RALGPS1: variants seen among roughly 807,000 people sequenced by gnomAD.
The protein encoded by RALGPS1 is ras-specific guanine nucleotide-releasing factor RalGPS1.
RALGPS1 carries 19 observed loss-of-function variants against 78.8 expected under a neutral mutation model. That is an observed-to-expected ratio of 0.24 (90% confidence interval 0.17 to 0.35). RALGPS1 has a LOEUF of 0.35. Among genes scored for constraint, RALGPS1 ranks in the 10% least tolerant of loss-of-function variants. The probability of loss-of-function intolerance (pLI) is 1.00; values close to 1 mark genes in which losing one functional copy is unlikely to be tolerated. For missense variants in RALGPS1, 454 were observed against 688.3 expected, an observed-to-expected ratio of 0.66 and a Z score of 3.81; for synonymous variants, 228 against 256.3, an observed-to-expected ratio of 0.89 and a Z score of 1.06.
chr9:127,129,286 C>T (rs774668493), intron 8 of RALGPS1, among the ~76,000 whole-genome samples: 10 of 152,112 alleles, frequency 6.6e-5, no homozygotes, highest in East Asian at 1.9e-4. Flanking sequence ...TTCTTCATAG[C>T]GAAAAATTCA....
At chr9:127,146,842 C>G (rs993019591) in intron 8 of RALGPS1, among the ~76,000 whole-genome samples, 7 of 152,178 alleles carry the variant, frequency 4.6e-5, no homozygotes, top group African/African-American at 1.7e-4. Context: ...CCGCACCCAG[C>G]CTGAATGTGT....
Position 127,166,057 on chromosome 9 carries a change from C to T in RALGPS1, c.611-12C>T. 1 of 1,597,290 alleles carries T rather than the reference C, an allele frequency of 6.3e-7. No homozygotes were observed. Among genetic ancestry groups the T allele is most frequent in the Non-Finnish European group, 8.5e-7 (1 of 1,173,326 alleles). On this transcript the variant is annotated splice_polypyrimidine_tract_variant and intron_variant, in intron 8 of 18. Coordinates refer to ENST00000259351, the MANE Select transcript of RALGPS1 (RefSeq NM_014636.3). ...AGCTCCTTCCATCATGAAATATCTT[C>T]TTTAATTTTAGGAATCTATCTTCTG...
At chr9:127,004,546 G>A (rs1191062973) in intron 4 of RALGPS1, among the ~76,000 whole-genome samples, 3 of 152,196 alleles carry the variant, frequency 2.0e-5, no homozygotes, top group African/African-American at 7.2e-5. Context: ...ACTTATGTCT[G>A]GGTAATTGCA....
intron 5 of RALGPS1, among the ~76,000 whole-genome samples, chr9:127,047,559 T>C (rs2047914341): frequency 6.6e-6 from 1 of 151,746 alleles, no homozygotes; most frequent in African/African-American, 2.4e-5. Context: ...ATTAGCCAGG[T>C]GTGGTGGTGC....
intron 8 of RALGPS1, among the ~76,000 whole-genome samples, chr9:127,074,277 G>A (rs1161171917): frequency 6.6e-6 from 1 of 152,126 alleles, no homozygotes; most frequent in East Asian, 1.9e-4. Flanking sequence ...TTTTAGTAGG[G>A]GAATATACCA....
At chr9:126,976,560 T>C (rs1283484290) in intron 3 of RALGPS1, among the ~76,000 whole-genome samples, 1 of 152,170 alleles carries the variant, frequency 6.6e-6, no homozygotes, top group Non-Finnish European at 1.5e-5. Flanking sequence ...ATTATTGTCA[T>C]CATTTTCTAG....
chr9:126,988,233 C>A (rs1266223540), intron 4 of RALGPS1, among the ~76,000 whole-genome samples: 1 of 152,082 alleles, frequency 6.6e-6, no homozygotes, highest in African/African-American at 2.4e-5. Context: ...TGAAACCTGG[C>A]CATACAAGGC....
Position 127,025,558 on chromosome 9 carries a change from G to A in RALGPS1, c.217-8873G>A, listed in dbSNP as rs143256898. 4.9e-3 allele frequency among the ~76,000 whole-genome samples: 740 copies of A among 152,254 alleles called. 5 individuals are homozygous for A. Among genetic ancestry groups the A allele is most frequent in the African/African-American group, 0.016 (674 of 41,538 alleles). ...ATTGTCACTTATGTGTGCTTTTTGC[G>A]ATGATTGAATTAAATGTGGTGTCCA... On this transcript the variant is annotated intron_variant, in intron 4 of 18. Coordinates refer to ENST00000259351, the MANE Select transcript of RALGPS1 (RefSeq NM_014636.3).
chr9:127,202,928 C>A (rs564964176), intron 14 of RALGPS1, among the ~76,000 whole-genome samples: 39 of 152,052 alleles, frequency 2.6e-4, no homozygotes, highest in Non-Finnish European at 4.6e-4. Context: ...GCAGGGCATT[C>A]AGTTACCTGG....
chr9:127,055,521 A>C (rs1004960324), intron 7 of RALGPS1, among the ~76,000 whole-genome samples: 2 of 152,226 alleles, frequency 1.3e-5, no homozygotes, highest in African/African-American at 4.8e-5. Context: ...CCTGGCCCCT[A>C]AACACTTTAC....
intron 8 of RALGPS1, among the ~76,000 whole-genome samples, chr9:127,137,304 C>G (rs987189516): frequency 6.6e-6 from 1 of 152,196 alleles, no homozygotes; most frequent in Non-Finnish European, 1.5e-5. Flanking sequence ...AGTTGGAGTC[C>G]TTGTCTGGAT....
chr9:126,995,259 C>A (rs1258686864), intron 4 of RALGPS1, among the ~76,000 whole-genome samples: 1 of 152,076 alleles, frequency 6.6e-6, no homozygotes, highest in African/African-American at 2.4e-5. Context: ...AGTCAAGACC[C>A]ATCAGTGTGC....
At chr9:127,064,075 A>C (rs1290355653) in intron 7 of RALGPS1, among the ~76,000 whole-genome samples, 3 of 152,234 alleles carry the variant, frequency 2.0e-5, no homozygotes, top group Admixed American at 6.5e-5. Flanking sequence ...ACAGGCAAGC[A>C]CAATCATGAT....
rs2275405 is a variant in RALGPS1, at chr9:127,088,915, G to T, written c.610+19559G>T. 4.4e-3 allele frequency: 7,033 copies of T among 1,614,086 alleles called. 153 individuals carry two copies. The highest frequency in any genetic ancestry group is 0.041 in the East Asian group (1,842 of 44,882). On this transcript the variant is annotated intron_variant, in intron 8 of 18. Transcript: ENST00000259351. ...AGGGTGGGCTCCTGGCAATGGCCAC[G>T]AGAGGTCAGGAGGGGGAGCTGGCTT...
intron 8 of RALGPS1, among the ~76,000 whole-genome samples, chr9:127,113,455 T>G (rs2055061738): frequency 6.6e-6 from 1 of 151,820 alleles, no homozygotes; most frequent in Non-Finnish European, 1.5e-5. Context: ...TTACTTTTGC[T>G]CTCTTGATAT....
intron 8 of RALGPS1, among the ~76,000 whole-genome samples, chr9:127,133,614 T>C (rs536692690): frequency 1.3e-5 from 2 of 152,322 alleles, no homozygotes; most frequent in South Asian, 2.1e-4. Context: ...CCAGGCTCTT[T>C]CTGGGCAGCC....
Position 127,157,234 on chromosome 9 carries a change from G to T in RALGPS1, c.611-8835G>T, listed in dbSNP as rs373940342. On this transcript the variant is annotated intron_variant, in intron 8 of 18. Coordinates refer to ENST00000259351, the MANE Select transcript of RALGPS1 (RefSeq NM_014636.3). ...GATATGAAATGTGTATGTTAATTAG[G>T]CAATAATTGACATCCTTGCAATGTT... is the stretch of plus-strand genomic sequence containing the variant. Among the ~76,000 whole-genome samples, 5 of 152,042 alleles carry T rather than the reference G, an allele frequency of 3.3e-5. 1 individual carries two copies. The highest frequency in any genetic ancestry group is 2.1e-4 in the South Asian group (1 of 4,810).
chr9:127,199,149 G>A (rs1034691809), intron 14 of RALGPS1, 83 bp downstream of exon 14: 52 of 1,304,288 alleles, frequency 4.0e-5, no homozygotes, highest in African/African-American at 8.7e-5. Flanking sequence ...GGGCAGGGAC[G>A]GGCCCTGCCC....
chr9:127,181,787 G>A (rs571752663), intron 11 of RALGPS1, among the ~76,000 whole-genome samples: 20 of 152,060 alleles, frequency 1.3e-4, no homozygotes, highest in African/African-American at 4.8e-4. Context: ...GGATACAGTC[G>A]TAATTGGAGC....
Sources: gnomAD v4.1 joint callset for allele counts (sites outside exome capture counted in the v4.1 genomes callset) on GRCh38, gnomAD v4.1.1 for gene constraint, MANE v1.5 for transcripts, NCBI Gene and HGNC (gene_info 2026-07-23, HGNC 2026-07-21) for gene names.